The following TMTC1 variants were observed in gnomAD, a reference collection of about 807,000 sequenced individuals.
TMTC1 encodes protein O-mannosyl-transferase TMTC1.
Under a neutral mutation model 104.8 loss-of-function variants are expected in TMTC1, and 73 were observed. The ratio of observed to expected loss-of-function variants is 0.70; its 90% CI spans 0.58 to 0.85. TMTC1 has a LOEUF of 0.85. TMTC1 is among the 40% of genes least tolerant of loss of function. The probability of loss-of-function intolerance (pLI) is 0.00; values close to 1 mark genes in which losing one functional copy is unlikely to be tolerated. For missense variants in TMTC1, 1,035 were observed against 1,096.1 expected, an observed-to-expected ratio of 0.94 and a Z score of 0.79; for synonymous variants, 434 against 428.7, an observed-to-expected ratio of 1.01 and a Z score of -0.15.
chr12:29,653,286 G>A (rs1351971439), intron 5 of TMTC1, among the ~76,000 whole-genome samples: 1 of 152,018 alleles, frequency 6.6e-6, no homozygotes, highest in Non-Finnish European at 1.5e-5. Context: ...CAGGAACACA[G>A]GCCAGAAACC....
intron 11 of TMTC1, among the ~76,000 whole-genome samples, chr12:29,523,174 C>A (rs1312858752): frequency 6.6e-6 from 1 of 152,138 alleles, no homozygotes; most frequent in African/African-American, 2.4e-5. Flanking sequence ...TTCACGAACA[C>A]CATTGTTAAA....
intron 5 of TMTC1, among the ~76,000 whole-genome samples, chr12:29,636,279 G>C (rs945808342): frequency 6.6e-6 from 1 of 152,046 alleles, no homozygotes; most frequent in African/African-American, 2.4e-5. Flanking sequence ...TTTTTAACTA[G>C]GGAAAAAAGG....
At chr12:29,528,274 T>C (rs763752902) in intron 11 of TMTC1, among the ~76,000 whole-genome samples, 1 of 152,190 alleles carries the variant, frequency 6.6e-6, no homozygotes, top group Non-Finnish European at 1.5e-5. Context: ...AGGAAATGAA[T>C]GTAAGCTATT....
At chr12:29,778,925 G>A (rs1203655873) in intron 1 of TMTC1, among the ~76,000 whole-genome samples, 1 of 152,226 alleles carries the variant, frequency 6.6e-6, no homozygotes, top group Non-Finnish European at 1.5e-5. Context: ...GGAAGAGAGG[G>A]TGAATGGACT....
rs748025231 is a variant in TMTC1, at chr12:29,572,114, G to C, written c.1523C>G (p.Thr508Arg). 6.2e-7 allele frequency: 1 copy of C among 1,613,732 alleles called. No individual in the cohort carries two copies. The highest frequency in any genetic ancestry group is 8.5e-7 in the Non-Finnish European group (1 of 1,179,650). ...RNKEAIYHYR[T>R]ALKLYPRHAS... ...CCTGTGTGGCGCTTACTTGAGAGCT[G>C]TTCTGTAGTGGTAGATCGCTTCCTT... Residue 508 changes from threonine to arginine, a missense_variant, in exon 9 of 18, where the codon ACA (threonine) becomes AGA (arginine). Thr to Arg is a moderately conservative substitution (Grantham distance 71). Coordinates refer to ENST00000539277, the MANE Select transcript of TMTC1 (RefSeq NM_001193451.2).
chr12:29,548,864 A>G (rs910645859), intron 10 of TMTC1, among the ~76,000 whole-genome samples: 3 of 131,974 alleles, frequency 2.3e-5, no homozygotes, highest in African/African-American at 7.1e-5. Context: ...ATATATAAAT[A>G]TATAAATTAT....
chr12:29,644,155 A>G (rs560675507), intron 5 of TMTC1, among the ~76,000 whole-genome samples: 1,441 of 89,740 alleles, frequency 0.016, 87 homozygotes, highest in African/African-American at 0.047. Context: ...GTGTGTATAT[A>G]TATATATAAT....
At chr12:29,702,317 CTCTG>C (rs1488206911) in intron 5 of TMTC1, among the ~76,000 whole-genome samples, 1 of 152,134 alleles carries the variant, frequency 6.6e-6, no homozygotes, top group Non-Finnish European at 1.5e-5. Context: ...TATTAGTTAT[CTCTG>C]TCTAATAAAT....
intron 11 of TMTC1, 80 bp from the exon 12 acceptor site, chr12:29,520,800 A>G: frequency 8.7e-7 from 1 of 1,145,664 alleles, no homozygotes; most frequent in Non-Finnish European, 1.3e-6. Flanking sequence ...GAGCAGGAAA[A>G]GCAAAAAAAA....
intron 8 of TMTC1, among the ~76,000 whole-genome samples, chr12:29,579,064 A>T (rs1945903483): frequency 1.3e-5 from 2 of 152,256 alleles, no homozygotes; most frequent in South Asian, 4.1e-4. Flanking sequence ...AGAGATTAAG[A>T]CCTTTTTGTA....
chr12:29,543,996 T>C (rs1944873458), intron 10 of TMTC1, among the ~76,000 whole-genome samples: 2 of 152,046 alleles, frequency 1.3e-5, no homozygotes, highest in Non-Finnish European at 2.9e-5. Flanking sequence ...GTAATCTCAA[T>C]ACTTTGGGAG....
intron 10 of TMTC1, among the ~76,000 whole-genome samples, chr12:29,552,610 A>G (rs1294448232): frequency 6.6e-6 from 1 of 152,174 alleles, no homozygotes; most frequent in East Asian, 1.9e-4. Flanking sequence ...CTATTTCCTT[A>G]CTAAAGGACT....
At chr12:29,609,118 AT>A (rs1217443248) in intron 6 of TMTC1, among the ~76,000 whole-genome samples, 5 of 152,034 alleles carry the variant, frequency 3.3e-5, no homozygotes, top group South Asian at 2.1e-4. Flanking sequence ...CATCATTACT[AT>A]TTTTTTTCTC....
intron 6 of TMTC1, among the ~76,000 whole-genome samples, chr12:29,627,940 G>A (rs904950907): frequency 2.6e-5 from 4 of 152,086 alleles, no homozygotes; most frequent in Admixed American, 6.5e-5. Context: ...CCAAAAAGAC[G>A]CAGCTTCCTT....
Position 29,506,547 on chromosome 12 carries a change from C to T in TMTC1, c.*299G>A. On this transcript the variant is annotated 3_prime_UTR_variant, in exon 18 of 18. Coordinates refer to ENST00000539277, the MANE Select transcript of TMTC1 (RefSeq NM_001193451.2). ...GAATTAGATCTCCAGGTCTCAAAAG[C>T]ACAGAGATATATCAAGAGAAATCTG... is the stretch of plus-strand genomic sequence containing the variant. 3.2e-6 allele frequency: 1 copy of T among 308,868 alleles called. No individual in the cohort carries two copies. The highest frequency in any genetic ancestry group is 6.6e-5 in the East Asian group (1 of 15,166). 19.1% of individuals were successfully genotyped at this position (308,868 alleles called of 1,614,324 possible).
At chr12:29,537,763 C>T (rs147489085) in intron 10 of TMTC1, among the ~76,000 whole-genome samples, 7 of 152,260 alleles carry the variant, frequency 4.6e-5, no homozygotes, top group Middle Eastern at 3.4e-3. Flanking sequence ...TCCCACGCCC[C>T]GGCCCTACAG....
intron 7 of TMTC1, among the ~76,000 whole-genome samples, chr12:29,599,353 A>G (rs1053740740): frequency 1.3e-5 from 2 of 152,248 alleles, no homozygotes; most frequent in South Asian, 4.1e-4. Context: ...AGAAAAGATT[A>G]TTCCAATTTC....
intron 6 of TMTC1, among the ~76,000 whole-genome samples, chr12:29,619,286 T>C (rs984784081): frequency 6.6e-6 from 1 of 152,200 alleles, no homozygotes; most frequent in Non-Finnish European, 1.5e-5. Flanking sequence ...GATTTAGCGA[T>C]GTGTAAAACT....
chr12:29,738,815 CA>C (rs1942750774), intron 5 of TMTC1, among the ~76,000 whole-genome samples: 1 of 152,176 alleles, frequency 6.6e-6, no homozygotes, highest in Non-Finnish European at 1.5e-5. Flanking sequence ...TGTATGGATA[CA>C]TGACACAGTT....
Sources: gnomAD v4.1 joint callset for allele counts (sites outside exome capture counted in the v4.1 genomes callset) on GRCh38, gnomAD v4.1.1 for gene constraint, MANE v1.5 for transcripts, NCBI Gene and HGNC (gene_info 2026-07-23, HGNC 2026-07-21) for gene names.